The following RBFOX1 variants were observed in gnomAD, a reference collection of about 807,000 sequenced individuals.
The protein encoded by RBFOX1 is RNA binding protein fox-1 homolog 1.
Under a neutral mutation model 57.7 loss-of-function variants are expected in RBFOX1, and 8 were observed. That is an observed-to-expected ratio of 0.14 (90% CI 0.08 to 0.25). The LOEUF (loss-of-function observed/expected upper bound fraction) is 0.25. Ranked by LOEUF, RBFOX1 falls within the 10% of genes least tolerant of loss-of-function variation. The pLI, the probability that RBFOX1 is intolerant of heterozygous loss-of-function variation, is 1.00. For missense variants in RBFOX1, 611 were observed against 548.5 expected, an observed-to-expected ratio of 1.11 and a Z score of -1.14; for synonymous variants, 326 against 222.4, an observed-to-expected ratio of 1.47 and a Z score of -4.15.
intron 1 of RBFOX1, among the ~76,000 whole-genome samples, chr16:6,206,673 AG>A (rs1221944139): frequency 6.6e-6 from 1 of 152,162 alleles, no homozygotes; most frequent in Non-Finnish European, 1.5e-5. Context: ...GAAGTTGCAA[AG>A]ATAATACAAA....
At chr16:5,978,678 G>GTTT (rs796277829) in intron 4 of RBFOX1, among the ~76,000 whole-genome samples, 2 of 141,366 alleles carry the variant, frequency 1.4e-5, no homozygotes, top group Non-Finnish European at 1.5e-5. Flanking sequence ...TTTTTTGTTT[G>GTTT]TTTTTTTTTT....
chr16:7,031,546 A>G (rs2042790610), intron 3 of RBFOX1, among the ~76,000 whole-genome samples: 1 of 151,986 alleles, frequency 6.6e-6, no homozygotes, highest in Non-Finnish European at 1.5e-5. Flanking sequence ...CAGTGAGCCA[A>G]GCCAAGATCA....
At chr16:6,811,383 G>C (rs1051069099) in intron 3 of RBFOX1, among the ~76,000 whole-genome samples, 1 of 152,184 alleles carries the variant, frequency 6.6e-6, no homozygotes, top group African/African-American at 2.4e-5. Flanking sequence ...AATGTGATTA[G>C]CTTTTAGCTA....
At chr16:6,249,570 A>G (rs922136477) in intron 1 of RBFOX1, among the ~76,000 whole-genome samples, 7 of 152,030 alleles carry the variant, frequency 4.6e-5, no homozygotes, top group Admixed American at 4.6e-4. Context: ...AGAGACTGGT[A>G]TTTTAGAGGA....
Position 6,525,115 on chromosome 16 carries a change from A to G in RBFOX1, c.-63-129488A>G, listed in dbSNP as rs372824340. 1.1e-4 allele frequency among the ~76,000 whole-genome samples: 16 copies of G among 152,314 alleles called. 1 individual carries two copies. The highest frequency in any genetic ancestry group is 3.6e-4 in the African/African-American group (15 of 41,580). On this transcript the variant is annotated intron_variant, in intron 2 of 15. Transcript: ENST00000550418. ...AATTATCAACACAAAACTGTAAAAC[A>G]GAGATATTTGGTCAACCTGTATTTA...
chr16:6,793,258 G>A (rs1305745376), intron 3 of RBFOX1, among the ~76,000 whole-genome samples: 3 of 152,158 alleles, frequency 2.0e-5, no homozygotes, highest in East Asian at 1.9e-4. Context: ...ACCGATTGGA[G>A]GAGAAATGTG....
chr16:5,346,239 A>G (rs1461698044), intron 1 of RBFOX1, among the ~76,000 whole-genome samples: 1 of 152,214 alleles, frequency 6.6e-6, no homozygotes, highest in African/African-American at 2.4e-5. Flanking sequence ...CAGTCTCGGT[A>G]TGCCCAGTTA....
intron 4 of RBFOX1, among the ~76,000 whole-genome samples, chr16:7,133,833 C>G (rs953055557): frequency 1.3e-5 from 2 of 152,052 alleles, no homozygotes; most frequent in African/African-American, 2.4e-5. Flanking sequence ...CTTTTGTACT[C>G]CAAAACGTAA....
At chr16:7,390,084 G>A (rs1014202543) in intron 4 of RBFOX1, among the ~76,000 whole-genome samples, 3 of 152,240 alleles carry the variant, frequency 2.0e-5, no homozygotes, top group Non-Finnish European at 4.4e-5. Flanking sequence ...GCAGGAGAGA[G>A]GAAGACAGAA....
intron 3 of RBFOX1, among the ~76,000 whole-genome samples, chr16:6,911,910 T>G (rs1389435822): frequency 6.6e-6 from 1 of 152,176 alleles, no homozygotes; most frequent in African/African-American, 2.4e-5. Flanking sequence ...TGGCCAAATA[T>G]AGAAGACACA....
intron 3 of RBFOX1, among the ~76,000 whole-genome samples, chr16:6,676,677 T>C (rs1185967888): frequency 6.9e-6 from 1 of 144,044 alleles, no homozygotes; most frequent in Non-Finnish European, 1.5e-5. Flanking sequence ...TCTTTTCTTT[T>C]TTTTTTTTTT....
intron 4 of RBFOX1, among the ~76,000 whole-genome samples, chr16:7,325,801 G>T (rs537585681): frequency 3.9e-5 from 6 of 152,294 alleles, no homozygotes; most frequent in African/African-American, 1.2e-4. Context: ...CCTTCACTGG[G>T]AATTCATTTG....
intron 4 of RBFOX1, among the ~76,000 whole-genome samples, chr16:7,059,960 T>G (rs1598397269): frequency 6.6e-6 from 1 of 152,214 alleles, no homozygotes; most frequent in Non-Finnish European, 1.5e-5. Flanking sequence ...AAAATTATTT[T>G]GCTTAGCTGT....
At chr16:6,124,028 G>C (rs1371537284) in intron 1 of RBFOX1, among the ~76,000 whole-genome samples, 1 of 152,184 alleles carries the variant, frequency 6.6e-6, no homozygotes, top group East Asian at 1.9e-4. Flanking sequence ...CCCTTCATGG[G>C]GGGCTCATTG....
At chr16:6,240,460 C>T (rs1186886043) in intron 1 of RBFOX1, among the ~76,000 whole-genome samples, 2 of 152,178 alleles carry the variant, frequency 1.3e-5, no homozygotes, top group Non-Finnish European at 2.9e-5. Context: ...AGTGAACCTT[C>T]CTCCCCTCCT....
At chr16:6,428,130 A>G (rs1019156941) in intron 2 of RBFOX1, among the ~76,000 whole-genome samples, 5 of 151,944 alleles carry the variant, frequency 3.3e-5, no homozygotes, top group African/African-American at 7.3e-5. Context: ...AACAAATACA[A>G]AAACACTTAG....
intron 3 of RBFOX1, among the ~76,000 whole-genome samples, chr16:6,966,503 C>G (rs534477419): frequency 6.6e-6 from 1 of 151,842 alleles, no homozygotes; most frequent in Non-Finnish European, 1.5e-5. Context: ...TATTAGGTGG[C>G]GAGAGGGGCG....
At chr16:5,867,174 G>GT (rs1207697553) in intron 3 of RBFOX1, 2 of 412,802 alleles carry the variant, frequency 4.8e-6, no homozygotes, top group Non-Finnish European at 8.2e-6. Flanking sequence ...GTGTGTGTGT[G>GT]GTGTGTGTTG....
intron 4 of RBFOX1, among the ~76,000 whole-genome samples, chr16:7,284,400 A>C (rs2095608159): frequency 6.6e-6 from 1 of 152,108 alleles, no homozygotes; most frequent in Non-Finnish European, 1.5e-5. Flanking sequence ...GCACTATCAC[A>C]GCTCACTGCA....
Sources: allele counts gnomAD v4.1 joint callset (sites outside exome capture counted in the v4.1 genomes callset), GRCh38; gene constraint gnomAD v4.1.1; transcripts MANE v1.5; gene names NCBI Gene and HGNC (gene_info 2026-07-23, HGNC 2026-07-21).